CSMD1: variants seen among roughly 807,000 people sequenced by gnomAD.
The protein encoded by CSMD1 is CUB and Sushi multiple domains 1, also known as CUB and sushi domain-containing protein 1.
Under a neutral mutation model 417.5 loss-of-function variants are expected in CSMD1, and 213 were observed. The observed-to-expected ratio is 0.51, with a 90% CI of 0.46 to 0.57. The LOEUF (loss-of-function observed/expected upper bound fraction) is 0.57, where lower values mean the gene tolerates loss of function less well. CSMD1 is among the 20% of genes least tolerant of loss of function. The pLI is 0.00. For missense variants in CSMD1, 6,923 were observed against 4,529.7 expected, an observed-to-expected ratio of 1.53 and a Z score of -15.17; for synonymous variants, 2,862 against 1,736.8, an observed-to-expected ratio of 1.65 and a Z score of -16.11.
intron 5 of CSMD1, among the ~76,000 whole-genome samples, chr8:3,984,383 A>G (rs1425257674): frequency 6.6e-6 from 1 of 152,158 alleles, no homozygotes; most frequent in African/African-American, 2.4e-5. Flanking sequence ...TCCTATTTAG[A>G]CTTTTCAATT....
chr8:4,077,449 A>C (rs1391099976), intron 3 of CSMD1, among the ~76,000 whole-genome samples: 1 of 151,660 alleles, frequency 6.6e-6, no homozygotes, highest in African/African-American at 2.4e-5. Flanking sequence ...AGTATCCTAT[A>C]CATATCATTA....
chr8:3,707,049 A>G (rs1360279795), intron 7 of CSMD1, among the ~76,000 whole-genome samples: 5 of 151,888 alleles, frequency 3.3e-5, no homozygotes, highest in Middle Eastern at 3.2e-3. Flanking sequence ...TAGTCAGAGT[A>G]TGGTAGCTCC....
intron 5 of CSMD1, among the ~76,000 whole-genome samples, chr8:3,835,371 T>C (rs1260074926): frequency 6.6e-6 from 1 of 152,088 alleles, no homozygotes; most frequent in East Asian, 1.9e-4. Flanking sequence ...ATATACACCA[T>C]GGAATACTAC....
At chr8:4,570,181 T>G (rs753297941) in intron 2 of CSMD1, among the ~76,000 whole-genome samples, 1 of 152,224 alleles carries the variant, frequency 6.6e-6, no homozygotes, top group Non-Finnish European at 1.5e-5. Flanking sequence ...CTACGTTGAA[T>G]AGCAGTGGTG....
intron 1 of CSMD1, among the ~76,000 whole-genome samples, chr8:4,819,672 G>C (rs1799409533): frequency 6.6e-6 from 1 of 152,102 alleles, no homozygotes; most frequent in Non-Finnish European, 1.5e-5. Context: ...CCCTGTCTCA[G>C]TCTTTTGTAA....
In CSMD1 at chr8:3,151,402, C is replaced by A. The variant is rs751239539; in HGVS notation, c.6026G>T (p.Gly2009Val). ...TTGGTAACATTTTCACTTACCATAG[C>A]CGATGGGTAATGAGATCCTCCAGGT... ...DCTWRISLPI[G>V]YGAHIQFLNF... Residue 2009 changes from glycine (G) to valine (V), a missense_variant, in exon 40 of 70, where the codon GGC (glycine) becomes GTC (valine). By Grantham distance (109) the Gly-to-Val change is moderately radical. Transcript: ENST00000635120. 6 of 1,603,618 alleles carry A rather than the reference C, an allele frequency of 3.7e-6. No individual in the cohort carries two copies. The highest frequency in any genetic ancestry group is 5.1e-6 in the Non-Finnish European group (6 of 1,171,150).
chr8:3,128,919 G>A (rs761166740), intron 41 of CSMD1: 1 of 446,390 alleles, frequency 2.2e-6, no homozygotes, highest in Non-Finnish European at 4.5e-6. Flanking sequence ...AGAGACAAAG[G>A]GAAAGCAGAT....
intron 3 of CSMD1, among the ~76,000 whole-genome samples, chr8:4,325,841 T>G (rs1799527923): frequency 6.6e-6 from 1 of 152,124 alleles, no homozygotes. Flanking sequence ...TAACAAAAGC[T>G]TATTCCACCT....
intron 5 of CSMD1, among the ~76,000 whole-genome samples, chr8:3,945,970 G>T (rs981247137): frequency 6.6e-6 from 1 of 152,058 alleles, no homozygotes; most frequent in Non-Finnish European, 1.5e-5. Context: ...TTATTGAAAG[G>T]TTATGTTCCA....
rs766573956 is a variant in CSMD1 at position 4,032,028 on chromosome 8, T to C, written c.487A>G (p.Ile163Val). Reference protein sequence around the residue: ...KGVLHGTRFNIGDKIRYSCLP... With the variant: ...KGVLHGTRFNVGDKIRYSCLP... Reference sequence around the variant, plus strand: ...CAGCTGTACCGGATTTTGTCTCCTATGTTGAATCTCGTTCCATGCAGAACT... The same window carrying C: ...CAGCTGTACCGGATTTTGTCTCCTACGTTGAATCTCGTTCCATGCAGAACT... The change falls in exon 4 of 70, where the codon ATA becomes GTA. Residue 163 changes from isoleucine (I) to valine (V), a missense_variant. Coordinates refer to ENST00000635120, the MANE Select transcript of CSMD1 (RefSeq NM_033225.6). 1.3e-5 allele frequency: 21 copies of C among 1,613,884 alleles called. No individual in the cohort carries two copies. The highest frequency in any genetic ancestry group is 1.6e-5 in the Non-Finnish European group (19 of 1,179,880).
intron 30 of CSMD1, among the ~76,000 whole-genome samples, chr8:3,214,065 C>T (rs532286731): frequency 3.3e-5 from 5 of 151,954 alleles, no homozygotes; most frequent in African/African-American, 1.2e-4. Context: ...AGGCTGGTCT[C>T]GAACTCCTAA....
At chr8:4,020,834 C>G (rs929686525) in intron 4 of CSMD1, among the ~76,000 whole-genome samples, 6 of 152,298 alleles carry the variant, frequency 3.9e-5, no homozygotes, top group Middle Eastern at 3.4e-3. Flanking sequence ...AGTTAGCTCA[C>G]TCTTATCTTT....
intron 3 of CSMD1, among the ~76,000 whole-genome samples, chr8:4,243,724 T>C (rs1325821572): frequency 1.3e-5 from 2 of 152,054 alleles, no homozygotes; most frequent in Admixed American, 1.3e-4. Flanking sequence ...ATAATCTGAG[T>C]CCACAAAAAA....
At chr8:4,284,324 T>C (rs1796944716) in intron 3 of CSMD1, among the ~76,000 whole-genome samples, 1 of 151,964 alleles carries the variant, frequency 6.6e-6, no homozygotes, top group Admixed American at 6.6e-5. Flanking sequence ...GCCGAGATCC[T>C]GCCAATGCAC....
chr8:4,142,037 T>C (rs13279869), intron 3 of CSMD1, among the ~76,000 whole-genome samples: 45,186 of 150,652 alleles, frequency 0.3, 8,415 homozygotes, highest in Non-Finnish European at 0.39. Flanking sequence ...TTCAAAGATG[T>C]TTTAAATGTT....
At chr8:3,145,850 C>G (rs992497778) in intron 40 of CSMD1, among the ~76,000 whole-genome samples, 3 of 152,212 alleles carry the variant, frequency 2.0e-5, no homozygotes, top group African/African-American at 7.2e-5. Context: ...CCAGCACTGT[C>G]TTATCCCATT....
intron 1 of CSMD1, among the ~76,000 whole-genome samples, chr8:4,667,932 C>G (rs1364075523): frequency 3.9e-5 from 6 of 152,232 alleles, no homozygotes; most frequent in South Asian, 2.1e-4. Flanking sequence ...CTGGTTCACA[C>G]ATACGTCTTT....
At chr8:3,697,220 G>T (rs998811926) in intron 7 of CSMD1, among the ~76,000 whole-genome samples, 1 of 152,160 alleles carries the variant, frequency 6.6e-6, no homozygotes, top group African/African-American at 2.4e-5. Flanking sequence ...TTTCTCTCCA[G>T]AAAATGGTAG....
chr8:3,716,123 T>C (rs756436933), intron 6 of CSMD1, among the ~76,000 whole-genome samples: 1 of 152,198 alleles, frequency 6.6e-6, no homozygotes, highest in Non-Finnish European at 1.5e-5. Context: ...CTTCCAGAAC[T>C]CCACCCTGTT....
Sources: gnomAD v4.1 joint callset for allele counts (sites outside exome capture counted in the v4.1 genomes callset) on GRCh38, gnomAD v4.1.1 for gene constraint, MANE v1.5 for transcripts, NCBI Gene and HGNC (gene_info 2026-07-23, HGNC 2026-07-21) for gene names.